Variants in TMEM116 observed in about 807,000 individuals in gnomAD.
The protein encoded by TMEM116 is transmembrane protein 116.
TMEM116 carries 38 observed loss-of-function variants against 44.3 expected under a neutral mutation model. The ratio of observed to expected loss-of-function variants is 0.86; its 90% CI spans 0.66 to 1.12. TMEM116 has a LOEUF of 1.12. Among genes scored for constraint, TMEM116 ranks in the 50% most tolerant of loss-of-function variants. The probability of loss-of-function intolerance (pLI) is 0.00; values close to 1 mark genes in which losing one functional copy is unlikely to be tolerated. For synonymous variants in TMEM116, 132 were observed against 144.8 expected (o/e 0.91, Z 0.64); for missense variants, 354 against 401.7 (o/e 0.88, Z 1.01).
rs1345483818 is a variant in TMEM116 at position 111,932,630 on chromosome 12, TAGTC to T, written c.759_762del (p.Thr254SerfsTer17). On this transcript the variant is annotated frameshift_variant, in exon 10 of 11. Coordinates refer to ENST00000552374, the MANE Select transcript of TMEM116 (RefSeq NM_001193531.2). LOFTEE classifies it high-confidence loss of function. ...ATGTGAAGCTTGGTGTCCTGTGGCT[TAGTC>T]AGCTTTATGATCATTAGAATGACAG... 6.2e-7 allele frequency: 1 copy of T among 1,614,180 alleles called. No individual in the cohort carries two copies. Among genetic ancestry groups the T allele is most frequent in the African/African-American group, 1.3e-5 (1 of 75,048 alleles).
chr12:111,978,710 C>T (rs551730254), intron 4 of TMEM116: 27 of 408,112 alleles, frequency 6.6e-5, no homozygotes, highest in African/African-American at 5.2e-4. Context: ...AAATAGCCAT[C>T]TGCAAACCAG....
chr12:111,939,585 C>G lies in TMEM116; in HGVS notation c.316-1375G>C, dbSNP rs143551503. 4.6e-3 allele frequency among the ~76,000 whole-genome samples: 691 copies of G among 151,122 alleles called. 7 individuals are homozygous for G. Among genetic ancestry groups the G allele is most frequent in the African/African-American group, 0.015 (631 of 41,216 alleles). Reference sequence around the variant, plus strand: ...GGCCAAGGCAGAAGGATCACTTGAGCCCAGGAGTTCGAGACTAGCCTAGGC... The same window carrying G: ...GGCCAAGGCAGAAGGATCACTTGAGGCCAGGAGTTCGAGACTAGCCTAGGC... On this transcript the variant is annotated intron_variant, in intron 5 of 10. Coordinates refer to ENST00000552374, the MANE Select transcript of TMEM116 (RefSeq NM_001193531.2).
At chr12:111,957,684 C>T (rs539835816) in intron 4 of TMEM116, among the ~76,000 whole-genome samples, 2 of 151,674 alleles carry the variant, frequency 1.3e-5, no homozygotes, top group Non-Finnish European at 1.5e-5. Flanking sequence ...GCCGCCGTCC[C>T]GTCTGGGAGG....
chr12:111,974,457 C>T (rs925937441), intron 4 of TMEM116, among the ~76,000 whole-genome samples: 1 of 151,980 alleles, frequency 6.6e-6, no homozygotes, highest in African/African-American at 2.4e-5. Context: ...CGAGACCAGC[C>T]TGGCCAACAT....
intron 4 of TMEM116, among the ~76,000 whole-genome samples, chr12:111,958,354 A>G (rs1287145653): frequency 6.6e-6 from 1 of 151,886 alleles, no homozygotes; most frequent in Admixed American, 6.6e-5. Flanking sequence ...CCAACATCAA[A>G]GACCAAAGGT....
At chr12:112,000,579 T>C (rs1593650013) in intron 3 of TMEM116, among the ~76,000 whole-genome samples, 1 of 150,932 alleles carries the variant, frequency 6.6e-6, no homozygotes, top group African/African-American at 2.4e-5. Context: ...CAGGCTGGAG[T>C]GCAGTGGCCC....
rs201638773 is a variant in TMEM116 at position 111,962,273 on chromosome 12, TCAAGCTAC to T, written c.211-18912_211-18905del. Among the ~76,000 whole-genome samples the T allele has an allele frequency of 8.0e-3, 1,222 of 152,244 alleles. 14 individuals are homozygous for T. Among genetic ancestry groups the T allele is most frequent in the African/African-American group, 0.028 (1,174 of 41,528 alleles). ...AATTATAGATTCAATGCTATCCCCA[TCAAGCTAC>T]CACTGACTTTCTTCACAAAATTAGA... On this transcript the variant is annotated intron_variant, in intron 4 of 10. Coordinates refer to ENST00000552374, the MANE Select transcript of TMEM116 (RefSeq NM_001193531.2).
Position 111,933,917 on chromosome 12 carries a change from GTA to G in TMEM116, c.700_701del (p.Tyr234ProfsTer21), listed in dbSNP as rs768948254. 6.2e-7 allele frequency: 1 copy of G among 1,613,914 alleles called. No individual in the cohort carries two copies. The highest frequency in any genetic ancestry group is 8.5e-7 in the Non-Finnish European group (1 of 1,180,002). On this transcript the variant is annotated frameshift_variant, in exon 9 of 11. Coordinates refer to ENST00000552374, the MANE Select transcript of TMEM116 (RefSeq NM_001193531.2). LOFTEE classifies it high-confidence loss of function. ...IHIVDQRVRF[Y>X]PVAFFCCWGP... ...CCCAGCAGCAAAAGAAGGCCACTGG[GTA>G]GAAGCGCACCCGTTGGTCCACAATG...
intron 4 of TMEM116, among the ~76,000 whole-genome samples, chr12:111,980,663 G>T (rs1019569633): frequency 2.0e-5 from 3 of 152,150 alleles, no homozygotes; most frequent in African/African-American, 7.2e-5. Context: ...GGGAACTAGG[G>T]GAGGGTATGG....
At chr12:111,985,781 G>A (rs2076193980) in intron 4 of TMEM116, among the ~76,000 whole-genome samples, 1 of 151,948 alleles carries the variant, frequency 6.6e-6, no homozygotes. Context: ...ATTTTTTGTA[G>A]AGACGAGGTC....
chr12:112,008,127 G>A (rs1326404466), intron 1 of TMEM116, among the ~76,000 whole-genome samples: 1 of 152,168 alleles, frequency 6.6e-6, no homozygotes, highest in Non-Finnish European at 1.5e-5. Context: ...GCTGCAGTGA[G>A]CTGTGTTTGC....
intron 5 of TMEM116, among the ~76,000 whole-genome samples, chr12:111,942,729 C>T (rs2072939843): frequency 6.6e-6 from 1 of 151,976 alleles, no homozygotes; most frequent in Non-Finnish European, 1.5e-5. Context: ...GGAATGCCAG[C>T]ACTGTAAATA....
chr12:111,979,629 C>CA (rs1258619560), intron 4 of TMEM116, among the ~76,000 whole-genome samples: 6 of 151,928 alleles, frequency 3.9e-5, no homozygotes, highest in Non-Finnish European at 7.4e-5. Flanking sequence ...TTGCCTCATT[C>CA]AAAAAAATTT....
chr12:111,945,615 A>T (rs191716112), intron 4 of TMEM116, among the ~76,000 whole-genome samples: 6 of 152,288 alleles, frequency 3.9e-5, no homozygotes, highest in Admixed American at 2.6e-4. Flanking sequence ...CATCTTAACT[A>T]CTTTGTATTA....
chr12:111,937,253 A>C lies in TMEM116; in HGVS notation c.366-10T>G. Reference sequence around the variant, plus strand: ...TAGCAGAGGTATCAGGCTGGGAGGGAAAAAAAGTATCACCCTAATATCCAC... The same window carrying C: ...TAGCAGAGGTATCAGGCTGGGAGGGCAAAAAAGTATCACCCTAATATCCAC... On this transcript the variant is annotated splice_polypyrimidine_tract_variant and intron_variant, in intron 6 of 10. Coordinates refer to ENST00000552374, the MANE Select transcript of TMEM116 (RefSeq NM_001193531.2). The C allele has an allele frequency of 3.1e-6, 5 of 1,601,568 alleles. No individual in the cohort carries two copies. Among genetic ancestry groups the C allele is most frequent in the Non-Finnish European group, 4.3e-6 (5 of 1,169,532 alleles).
At chr12:111,937,118 G>A in intron 7 of TMEM116, 42 bp downstream of exon 7, 1 of 1,514,440 alleles carries the variant, frequency 6.6e-7, no homozygotes, top group Non-Finnish European at 9.2e-7. Context: ...AAACAAATAG[G>A]TGTAGTCTGC....
intron 3 of TMEM116, among the ~76,000 whole-genome samples, chr12:111,995,327 G>A (rs1404548813): frequency 3.3e-5 from 5 of 152,012 alleles, no homozygotes; most frequent in Admixed American, 6.6e-5. Flanking sequence ...TGACATAAGT[G>A]GCTTTTTCAA....
At chr12:111,996,189 G>A (rs2076924565) in intron 3 of TMEM116, among the ~76,000 whole-genome samples, 1 of 150,022 alleles carries the variant, frequency 6.7e-6, no homozygotes, top group Non-Finnish European at 1.5e-5. Flanking sequence ...AACACAAAAA[G>A]TACTAAAAGA....
intron 4 of TMEM116, among the ~76,000 whole-genome samples, chr12:111,959,518 G>T (rs1298720562): frequency 6.6e-6 from 1 of 152,132 alleles, no homozygotes; most frequent in Non-Finnish European, 1.5e-5. Context: ...AATGCAAATG[G>T]GCTAAATGCC....
Sources: allele counts gnomAD v4.1 joint callset (sites outside exome capture counted in the v4.1 genomes callset), GRCh38; gene constraint gnomAD v4.1.1; transcripts MANE v1.5; gene names NCBI Gene and HGNC (gene_info 2026-07-23, HGNC 2026-07-21).